SHISA9: variants seen among roughly 807,000 people sequenced by gnomAD.
The protein encoded by SHISA9 is protein shisa-9.
SHISA9 carries 13 observed loss-of-function variants against 38.0 expected under a neutral mutation model. That is an observed-to-expected ratio of 0.34 (90% CI 0.22 to 0.54). The LOEUF is 0.54. SHISA9 is among the 20% of genes least tolerant of loss of function. SHISA9 has a pLI of 0.91. For missense variants in SHISA9, 538 were observed against 575.8 expected, an observed-to-expected ratio of 0.93 and a Z score of 0.67; for synonymous variants, 275 against 242.0, an observed-to-expected ratio of 1.14 and a Z score of -1.27.
intron 3 of SHISA9, among the ~76,000 whole-genome samples, chr16:13,210,078 G>T (rs1003406849): frequency 6.6e-6 from 1 of 152,150 alleles, no homozygotes; most frequent in Admixed American, 6.5e-5. Context: ...TCCAGTCTGG[G>T]CAACAGAGCG....
chr16:13,425,523 A>C, the SHISA9 span, among the ~76,000 whole-genome samples: 1 of 152,138 alleles, frequency 6.6e-6, no homozygotes, highest in Non-Finnish European at 1.5e-5. Flanking sequence ...ATAAATAAGC[A>C]AAAGCAGGGA....
At position 12,974,479 on chromosome 16, in the gene SHISA9, GTTTTTTTTTTTTTT is replaced by G. The variant is rs58309847; in HGVS notation, c.691+57678_691+57691del. On this transcript the variant is annotated intron_variant, in intron 2 of 4. Coordinates refer to ENST00000558583, the MANE Select transcript of SHISA9 (RefSeq NM_001145204.3). ...CATGGCTAGCAAGTGATTTCTGGTG[GTTTTTTTTTTTTTT>G]TTTTTTTTTTTTTCCGGAGTTTCGC... is the stretch of plus-strand genomic sequence containing the variant. Among the ~76,000 whole-genome samples the G allele has an allele frequency of 8.7e-3, 798 of 91,794 alleles. 13 individuals carry two copies. The highest frequency in any genetic ancestry group is 0.068 in the Middle Eastern group (9 of 132). The allele number at this position is 91,794 out of a possible 152,430, so 60.2% of individuals were successfully genotyped here.
the SHISA9 span, among the ~76,000 whole-genome samples, chr16:13,357,717 G>C: frequency 6.6e-6 from 1 of 151,976 alleles, no homozygotes; most frequent in Non-Finnish European, 1.5e-5. Context: ...ATAGGATTTG[G>C]ATAGGTAAAG....
intron 3 of SHISA9, among the ~76,000 whole-genome samples, chr16:13,207,991 A>G (rs1029785195): frequency 5.3e-5 from 8 of 152,314 alleles, no homozygotes; most frequent in Middle Eastern, 3.4e-3. Context: ...AAGCTCAAAA[A>G]TACTTCTGGA....
chr16:13,199,192 T>C (rs994750331), intron 2 of SHISA9, among the ~76,000 whole-genome samples: 6 of 152,230 alleles, frequency 3.9e-5, no homozygotes, highest in Admixed American at 3.9e-4. Context: ...AAAGGACTTA[T>C]ACTGGAGGAT....
rs6145752 is a variant in SHISA9, at chr16:12,901,858, GGAGGCGAACGCGGGCT to G, written c.-187_-172del. 19,790 of 171,362 alleles carry G rather than the reference GGAGGCGAACGCGGGCT, an allele frequency of 0.12. 1,253 individuals are homozygous for G. Among genetic ancestry groups the G allele is most frequent in the Admixed American group, 0.22 (3,389 of 15,572 alleles). The allele number at this position is 171,362 out of a possible 1,614,324, so 10.6% of individuals were successfully genotyped here. The stretch of plus-strand genomic sequence containing the variant: ...CCGGCCCCTCGGCGCGCGGCGCGCT[GGAGGCGAACGCGGGCT>G]GAGGCGAACGCGGGCTGAGCCGAGC... On this transcript the variant is annotated 5_prime_UTR_variant, in exon 1 of 5. Transcript: ENST00000558583.
intron 2 of SHISA9, among the ~76,000 whole-genome samples, chr16:12,933,012 G>A (rs533292051): frequency 1.3e-5 from 2 of 152,222 alleles, no homozygotes; most frequent in Admixed American, 6.5e-5. Context: ...ATGAGGGGAG[G>A]TAAATATATA....
At chr16:13,513,275 C>T in the SHISA9 span, among the ~76,000 whole-genome samples, 3 of 152,172 alleles carry the variant, frequency 2.0e-5, no homozygotes, top group Admixed American at 6.5e-5. Context: ...CATCACTGAT[C>T]ATTAGAGAAA....
intron 2 of SHISA9, among the ~76,000 whole-genome samples, chr16:13,034,702 T>C (rs910116066): frequency 6.6e-6 from 1 of 152,152 alleles, no homozygotes; most frequent in African/African-American, 2.4e-5. Flanking sequence ...TTTTGGCCAA[T>C]AGAATATGGT....
At chr16:13,114,900 C>CTCCATCTA (rs1555462901) in intron 2 of SHISA9, among the ~76,000 whole-genome samples, 1 of 149,672 alleles carries the variant, frequency 6.7e-6, no homozygotes, top group Non-Finnish European at 1.5e-5. Context: ...TTACATCTAA[C>CTCCATCTA]TCCATCCATC....
chr16:13,501,886 C>T, the SHISA9 span, among the ~76,000 whole-genome samples: 1 of 151,960 alleles, frequency 6.6e-6, no homozygotes, highest in South Asian at 2.1e-4. Flanking sequence ...CTTGTAATCC[C>T]AGCTATTCTG....
chr16:13,500,346 A>G, the SHISA9 span, among the ~76,000 whole-genome samples: 2 of 152,172 alleles, frequency 1.3e-5, no homozygotes, highest in Admixed American at 6.5e-5. Context: ...TCTTTCCTTT[A>G]TAAATTACCC....
chr16:12,937,656 AAGAG>A (rs1387750451), intron 2 of SHISA9, among the ~76,000 whole-genome samples: 1 of 152,196 alleles, frequency 6.6e-6, no homozygotes, highest in Admixed American at 6.5e-5. Context: ...ACATGGTGGA[AAGAG>A]AGAGAGCACT....
chr16:13,126,901 AAGG>A (rs1380356751), intron 2 of SHISA9, among the ~76,000 whole-genome samples: 8 of 62,694 alleles, frequency 1.3e-4, no homozygotes, highest in Non-Finnish European at 2.0e-4. Context: ...AGACTGAAAG[AAGG>A]AGAGAGAGAG....
intron 2 of SHISA9, among the ~76,000 whole-genome samples, chr16:13,021,060 G>A (rs1213370139): frequency 6.6e-6 from 1 of 152,188 alleles, no homozygotes; most frequent in Non-Finnish European, 1.5e-5. Flanking sequence ...GAATTAAGGA[G>A]ATGTTGAACT....
In SHISA9 at chr16:13,176,580, C is replaced by T. The variant is rs575689728; in HGVS notation, c.692-26814C>T. ...GTCCAGCCCAAAACAGCCAGACAGA[C>T]CCAGGAACACGGACCCACAGTGGGA... On this transcript the variant is annotated intron_variant, in intron 2 of 4. Coordinates refer to ENST00000558583, the MANE Select transcript of SHISA9 (RefSeq NM_001145204.3). Among the ~76,000 whole-genome samples, 3 of 152,322 alleles carry T rather than the reference C, an allele frequency of 2.0e-5. No individual in the cohort carries two copies. In the East Asian group the frequency reaches 5.8e-4, roughly 29 times the overall value.
intron 2 of SHISA9, among the ~76,000 whole-genome samples, chr16:13,158,501 G>A (rs1397199336): frequency 2.6e-5 from 4 of 152,186 alleles, no homozygotes; most frequent in Admixed American, 6.5e-5. Flanking sequence ...ATTGCCCACA[G>A]TGCGCACTGG....
At chr16:13,096,597 G>A (rs1173838785) in intron 2 of SHISA9, among the ~76,000 whole-genome samples, 1 of 152,126 alleles carries the variant, frequency 6.6e-6, no homozygotes, top group East Asian at 1.9e-4. Flanking sequence ...AATTGGAAGG[G>A]CCCATTTGGT....
chr16:13,133,917 A>T (rs755682879), intron 2 of SHISA9, among the ~76,000 whole-genome samples: 127 of 152,336 alleles, frequency 8.3e-4, no homozygotes, highest in Non-Finnish European at 1.7e-3. Context: ...TTGCTTGTGC[A>T]TGGTGATAAT....
Sources: gnomAD v4.1 joint callset for allele counts (sites outside exome capture counted in the v4.1 genomes callset) on GRCh38, gnomAD v4.1.1 for gene constraint, MANE v1.5 for transcripts, NCBI Gene and HGNC (gene_info 2026-07-23, HGNC 2026-07-21) for gene names.